Variants in POU2F2 observed in about 807,000 individuals in gnomAD.
The protein encoded by POU2F2 is POU domain, class 2, transcription factor 2.
Under a neutral mutation model 63.5 loss-of-function variants are expected in POU2F2, and 14 were observed. The ratio of observed to expected loss-of-function variants is 0.22; its 90% CI spans 0.15 to 0.34. The LOEUF (loss-of-function observed/expected upper bound fraction) is 0.34. Ranked by LOEUF, POU2F2 falls within the 10% of genes least tolerant of loss-of-function variation. POU2F2 has a pLI of 1.00. For missense variants in POU2F2, 607 were observed against 815.2 expected, an observed-to-expected ratio of 0.74 and a Z score of 3.11; for synonymous variants, 306 against 348.6, an observed-to-expected ratio of 0.88 and a Z score of 1.36.
At chr19:42,192,959 G>A (rs1302232771) in intron 1 of POU2F2, among the ~76,000 whole-genome samples, 1 of 151,958 alleles carries the variant, frequency 6.6e-6, no homozygotes, top group Non-Finnish European at 1.5e-5. Context: ...GGTGGCTCAC[G>A]CCTGTAATCC....
chr19:42,149,098 C>A (rs1404512038), intron 2 of POU2F2, among the ~76,000 whole-genome samples: 1 of 152,106 alleles, frequency 6.6e-6, no homozygotes, highest in Admixed American at 6.5e-5. Context: ...AGACAGAGGA[C>A]CCTGGGCTTT....
intron 1 of POU2F2, among the ~76,000 whole-genome samples, chr19:42,170,198 T>C (rs893240572): frequency 6.6e-6 from 1 of 152,036 alleles, no homozygotes; most frequent in Non-Finnish European, 1.5e-5. Flanking sequence ...CCCCTCATCC[T>C]GGTCTGGCCC....
intron 2 of POU2F2, among the ~76,000 whole-genome samples, chr19:42,149,390 C>A (rs1198832276): frequency 6.6e-6 from 1 of 152,134 alleles, no homozygotes. Context: ...CCACTTCTTT[C>A]TATGGCTGTG....
chr19:42,171,431 CGTGTGTGTGTGTGTGTGT>C (rs71336804), intron 1 of POU2F2, among the ~76,000 whole-genome samples: 2 of 138,544 alleles, frequency 1.4e-5, no homozygotes, highest in African/African-American at 5.3e-5. Flanking sequence ...GGCTGCGCTT[CGTGTGTGTGTGTGTGTGT>C]GTGTGTGTGT....
rs1427961525 is a variant in POU2F2 at position 42,169,573 on chromosome 19, T to G, written c.-70+6390A>C. Among the ~76,000 whole-genome samples, 1 of 152,216 alleles carries G rather than the reference T, an allele frequency of 6.6e-6. No individual in the cohort carries two copies. The highest frequency in any genetic ancestry group is 1.5e-5 in the Non-Finnish European group (1 of 68,028). On this transcript the variant is annotated intron_variant, in intron 1 of 6. Transcript: ENST00000524801. This position sits in a 1 kb window ranked among gnomAD's most constrained non-coding sequence, Gnocchi z 4.3. ...GAATCTCTGACCAAAAGTATGGGTA[T>G]CTGGCTCCCAGGACCCAAGGGTGCA...
chr19:42,179,342 G>C (rs1344703523), upstream of POU2F2, among the ~76,000 whole-genome samples: 1 of 152,172 alleles, frequency 6.6e-6, no homozygotes. Flanking sequence ...TGGAGACAGG[G>C]AGGAAGGAAA....
At chr19:42,131,230 T>C (rs535609456) in intron 1 of POU2F2, among the ~76,000 whole-genome samples, 251 of 151,324 alleles carry the variant, frequency 1.7e-3, no homozygotes, top group African/African-American at 5.6e-3. Context: ...TGTACTGTCA[T>C]TGGTGACAGG....
intron 1 of POU2F2, among the ~76,000 whole-genome samples, chr19:42,166,318 GTT>G (rs770666279): frequency 6.8e-6 from 1 of 147,878 alleles, no homozygotes; most frequent in African/African-American, 2.5e-5. Flanking sequence ...TATGCTCAGA[GTT>G]TTTTTTTTTC....
In POU2F2 at chr19:42,114,768, G is replaced by C. The variant is rs568971343; in HGVS notation, c.369+2482C>G. On this transcript the variant is annotated intron_variant, in intron 5 of 14. Coordinates refer to ENST00000692977, the MANE Select transcript of POU2F2 (RefSeq NM_001394376.1). ...GGGGAGGATTCATGGGAGCAAAGAGGCCATCACTGGCATGGTGCCTGGAAG... is the reference window on the plus strand; with the variant it reads ...GGGGAGGATTCATGGGAGCAAAGAGCCCATCACTGGCATGGTGCCTGGAAG... 2.6e-5 allele frequency among the ~76,000 whole-genome samples: 4 copies of C among 152,320 alleles called. No individual in the cohort carries two copies. In the South Asian group the frequency reaches 8.3e-4, roughly 32 times the overall value.
intron 1 of POU2F2, among the ~76,000 whole-genome samples, chr19:42,193,871 A>G (rs2035099989): frequency 6.6e-6 from 1 of 152,220 alleles, no homozygotes; most frequent in Non-Finnish European, 1.5e-5. Context: ...ATGTCCATCA[A>G]AAGGTCAGTG....
chr19:42,152,195 T>C lies in POU2F2; in HGVS notation c.-9+8137A>G, dbSNP rs77646905. 0.1 allele frequency among the ~76,000 whole-genome samples: 15,966 copies of C among 152,120 alleles called. 978 individuals carry two copies. The highest frequency in any genetic ancestry group is 0.2 in the Middle Eastern group (60 of 294). ...GTGAGCCCCCATGCCCACAGGGATATGGAGCCTCCAAAGAGACAGAAGGAA... is the reference window on the plus strand; with the variant it reads ...GTGAGCCCCCATGCCCACAGGGATACGGAGCCTCCAAAGAGACAGAAGGAA... On this transcript the variant is annotated intron_variant, in intron 2 of 6. Transcript: ENST00000524801. The surrounding 1 kb of genome is among the most constrained non-coding windows in gnomAD (Gnocchi z 4.1).
intron 1 of POU2F2, among the ~76,000 whole-genome samples, chr19:42,161,493 G>C (rs2034550403): frequency 6.6e-6 from 1 of 152,052 alleles, no homozygotes; most frequent in Non-Finnish European, 1.5e-5. Flanking sequence ...CCTCTCCACA[G>C]CCCTGTAGGA....
chr19:42,130,163 TC>T (rs2033580541), intron 1 of POU2F2, among the ~76,000 whole-genome samples: 1 of 151,554 alleles, frequency 6.6e-6, no homozygotes, highest in African/African-American at 2.4e-5. Context: ...ACATACACCC[TC>T]CCCCTACATA....
intron 1 of POU2F2, among the ~76,000 whole-genome samples, chr19:42,124,379 TAA>T (rs58616252): frequency 9.8e-5 from 13 of 132,488 alleles, no homozygotes; most frequent in Non-Finnish European, 9.8e-5. Flanking sequence ...TCAGTAACTG[TAA>T]AAAAAAAAAA....
intron 1 of POU2F2, among the ~76,000 whole-genome samples, chr19:42,195,321 CCTCT>C (rs1328810187): frequency 2.0e-5 from 3 of 150,844 alleles, no homozygotes; most frequent in South Asian, 2.1e-4. Flanking sequence ...TCCTTCCCTC[CCTCT>C]TTTTCTTTTT....
intron 7 of POU2F2, among the ~76,000 whole-genome samples, chr19:42,097,925 A>AT (rs899043500): frequency 6.6e-6 from 1 of 152,200 alleles, no homozygotes; most frequent in African/African-American, 2.4e-5. Context: ...CATTGTACCC[A>AT]TTAAGTAATT....
Position 42,096,199 on chromosome 19 carries a change from C to T in POU2F2, c.612G>A (p.Pro204=), listed in dbSNP as rs1385099494. 1 of 1,423,208 alleles carries T rather than the reference C, an allele frequency of 7.0e-7. No individual in the cohort carries two copies. The highest frequency in any genetic ancestry group is 1.9e-5 in the Admixed American group (1 of 53,744). The allele number at this position is 1,423,208 out of a possible 1,614,324, so 88.2% of individuals were successfully genotyped here. Residue 204 remains proline, a synonymous_variant, in exon 8 of 15, where the codon CCG becomes CCA. Coordinates refer to ENST00000692977, the MANE Select transcript of POU2F2 (RefSeq NM_001394376.1). The surrounding 1 kb of genome is among the most constrained non-coding windows in gnomAD (Gnocchi z 4.1). ...PTLPDPHLSH[P]QPPKCLEPPS... is the part of the protein sequence containing the mutation. The stretch of plus-strand genomic sequence containing the variant: ...GTGGCTCCAAGCATTTGGGGGGCTG[C>T]GGGTGCGAGAGGTGCGGGTCGGGCA...
chr19:42,163,328 G>T (rs1180851309), intron 1 of POU2F2, among the ~76,000 whole-genome samples: 1 of 152,070 alleles, frequency 6.6e-6, no homozygotes, highest in Non-Finnish European at 1.5e-5. Context: ...AGGCCCACGA[G>T]ATGAGCCAGG....
intron 1 of POU2F2, among the ~76,000 whole-genome samples, chr19:42,125,292 A>G (rs1168770044): frequency 6.7e-6 from 1 of 148,176 alleles, no homozygotes; most frequent in Non-Finnish European, 1.5e-5. Flanking sequence ...AGCCCAGGAG[A>G]TTGAGGCTAC....
Sources: allele counts gnomAD v4.1 joint callset (sites outside exome capture counted in the v4.1 genomes callset), GRCh38; gene constraint gnomAD v4.1.1; non-coding constraint Gnocchi (gnomAD v3.1); transcripts MANE v1.5; gene names NCBI Gene and HGNC (gene_info 2026-07-23, HGNC 2026-07-21).